SLC2A9: variants seen among roughly 807,000 people sequenced by gnomAD.
The protein encoded by SLC2A9 is solute carrier family 2 member 9.
SLC2A9 carries 39 observed loss-of-function variants against 50.6 expected under a neutral mutation model. That is an observed-to-expected ratio of 0.77 (90% CI 0.60 to 1.01). The LOEUF is 1.01. Ranked by LOEUF, SLC2A9 falls within the 50% of genes least tolerant of loss-of-function variation. The pLI is 0.00. For missense variants in SLC2A9, 686 were observed against 677.6 expected (o/e 1.01, Z -0.14); for synonymous variants, 324 against 276.9 (o/e 1.17, Z -1.69).
Position 9,890,601 on chromosome 4 carries a change from T to C in SLC2A9, c.1215+9A>G, listed in dbSNP as rs1737200635. 1 of 1,613,528 alleles carries C rather than the reference T, an allele frequency of 6.2e-7. No individual in the cohort carries two copies. Among genetic ancestry groups the C allele is most frequent in the Non-Finnish European group, 8.5e-7 (1 of 1,179,506 alleles). ...ATCTCCCTCAAATGTGACAAGAACA[T>C]CGTCTCACCTGCAGGGTCAGCGTGA... On this transcript the variant is annotated intron_variant, in intron 9 of 11. Transcript: ENST00000264784.
chr4:9,778,621 T>C (rs183428323), downstream of SLC2A9, among the ~76,000 whole-genome samples: 509 of 152,278 alleles, frequency 3.3e-3, 4 homozygotes, highest in African/African-American at 0.012. Flanking sequence ...AGTTTCTTCC[T>C]TTTGGGACCA....
rs1241026700 is a variant in SLC2A9, at chr4:9,985,522, T to C, written c.535+147A>G. On this transcript the variant is annotated intron_variant, in intron 4 of 11. Coordinates refer to ENST00000264784, the MANE Select transcript of SLC2A9 (RefSeq NM_020041.3). ...GTTCATCCCACAGGACTGTCCCACT[T>C]TATGCAGAGTTCCAGCATCCTTGGT... 5 of 1,075,088 alleles carry C rather than the reference T, an allele frequency of 4.7e-6. No homozygotes were observed. The Admixed American group carries it at 8.0e-5, about 17-fold the overall frequency. 66.6% of individuals were successfully genotyped at this position (1,075,088 alleles called of 1,614,324 possible). A position where few individuals can be genotyped will look rare whatever the true frequency, so the allele number is the denominator to read the frequency against.
intron 4 of SLC2A9, 104 bp from the exon 5 acceptor site, chr4:9,980,841 T>C (rs1755620681): frequency 1.4e-6 from 2 of 1,444,260 alleles, no homozygotes; most frequent in Non-Finnish European, 1.9e-6. Context: ...GGACATTAAA[T>C]AGCACTGTAG....
rs369822964 is a variant in SLC2A9, at chr4:10,021,274, A to G, written c.150+6T>C. 12 of 1,612,970 alleles carry G rather than the reference A, an allele frequency of 7.4e-6. No individual in the cohort carries two copies. The African/African-American group carries it at 1.2e-4, about 16-fold the overall frequency. On this transcript the variant is annotated splice_donor_region_variant and intron_variant, in intron 1 of 11. Transcript: ENST00000264784. ...CCAGCCATGCAGAAAAGCTGTCCGT[A>G]GTTACCTTTCTTCTCCTTCCACCTG...
At position 9,858,723 on chromosome 4, in the gene SLC2A9, T is replaced by C. The variant is rs149744961; in HGVS notation, c.1292-23715A>G. On this transcript the variant is annotated intron_variant, in intron 10 of 11. Transcript: ENST00000264784. ...AGGTGGAATGATGGTTAATATTGAG[T>C]GTCAACTTGATTGGATTGAAGGATG... Among the ~76,000 whole-genome samples the C allele has an allele frequency of 5.5e-4, 84 of 152,234 alleles. 1 individual carries two copies. Among genetic ancestry groups the C allele is most frequent in the African/African-American group, 1.9e-3 (79 of 41,546 alleles).
At chr4:9,838,020 C>G (rs570396077) in intron 10 of SLC2A9, among the ~76,000 whole-genome samples, 1 of 152,242 alleles carries the variant, frequency 6.6e-6, no homozygotes, top group African/African-American at 2.4e-5. Context: ...TATTTGTGAG[C>G]ATGAAATGAA....
chr4:10,000,626 T>C (rs188175137), intron 2 of SLC2A9, among the ~76,000 whole-genome samples: 2 of 152,298 alleles, frequency 1.3e-5, no homozygotes, highest in African/African-American at 4.8e-5. Flanking sequence ...TGCTTTTCTA[T>C]TCATGCATGA....
At chr4:9,938,559 C>G (rs1435126133) in intron 6 of SLC2A9, among the ~76,000 whole-genome samples, 3 of 152,194 alleles carry the variant, frequency 2.0e-5, no homozygotes, top group African/African-American at 7.2e-5. Context: ...GCGTGAGCCA[C>G]TGCGCCTGGC....
At chr4:10,035,462 G>A (rs900788542) in intron 1 of SLC2A9, 6 of 152,220 alleles carry the variant, frequency 3.9e-5, no homozygotes, top group African/African-American at 1.4e-4. Flanking sequence ...ATAATTGAAC[G>A]ATTCCAGACT....
chr4:10,027,358 AC>A (rs1763788212), intron 1 of SLC2A9, among the ~76,000 whole-genome samples: 2 of 152,272 alleles, frequency 1.3e-5, no homozygotes, highest in South Asian at 2.1e-4. Context: ...TTAGAAAAAA[AC>A]GTGTCTTTGA....
At chr4:9,855,139 A>C (rs993624302) in intron 10 of SLC2A9, among the ~76,000 whole-genome samples, 1 of 152,168 alleles carries the variant, frequency 6.6e-6, no homozygotes, top group Admixed American at 6.6e-5. Context: ...GAAATAAAAG[A>C]TGTCCAAATA....
chr4:9,998,065 G>A (rs932251304), intron 2 of SLC2A9, among the ~76,000 whole-genome samples: 2 of 152,170 alleles, frequency 1.3e-5, no homozygotes, highest in African/African-American at 4.8e-5. Context: ...ACAGAGAAAT[G>A]AGACCACAAG....
At chr4:9,869,891 T>C (rs1733130271) in intron 10 of SLC2A9, among the ~76,000 whole-genome samples, 2 of 152,232 alleles carry the variant, frequency 1.3e-5, no homozygotes, top group Admixed American at 6.5e-5. Context: ...TCCTGGAGTG[T>C]GCAAATATTA....
intron 5 of SLC2A9, among the ~76,000 whole-genome samples, chr4:9,975,493 A>G (rs1754640503): frequency 6.6e-6 from 1 of 152,246 alleles, no homozygotes; most frequent in South Asian, 2.1e-4. Context: ...CAACAAACAT[A>G]TTAAAAAATG....
At chr4:9,836,163 G>T (rs1387484571) in intron 10 of SLC2A9, among the ~76,000 whole-genome samples, 1 of 151,082 alleles carries the variant, frequency 6.6e-6, no homozygotes, top group Non-Finnish European at 1.5e-5. Flanking sequence ...AGGGTGGGAG[G>T]GGGGTGAGTT....
intron 2 of SLC2A9, among the ~76,000 whole-genome samples, chr4:10,003,209 T>C (rs567743903): frequency 3.9e-5 from 6 of 152,168 alleles, no homozygotes; most frequent in Non-Finnish European, 7.4e-5. Flanking sequence ...GGCACTCTTA[T>C]AGTAATTCAA....
At chr4:9,979,674 C>T (rs1362673431) in intron 5 of SLC2A9, among the ~76,000 whole-genome samples, 2 of 152,152 alleles carry the variant, frequency 1.3e-5, no homozygotes, top group Non-Finnish European at 2.9e-5. Flanking sequence ...CCCACCGCCT[C>T]CACCCCAGAG....
In SLC2A9 at chr4:10,028,554, A is replaced by T. The variant is rs527913652; in HGVS notation, c.-40-2548T>A. On this transcript the variant is annotated intron_variant, in intron 1 of 12. Coordinates refer to the SLC2A9 transcript ENST00000309065. The stretch of plus-strand genomic sequence containing the variant: ...AGGAAGGACAACATTATCCCTGCAT[A>T]GAGACCAATAATAATGCATGGACAT... Among the ~76,000 whole-genome samples, 1,039 of 148,722 alleles carry T rather than the reference A, an allele frequency of 7.0e-3. 8 individuals are homozygous for T. The highest frequency in any genetic ancestry group is 0.025 in the African/African-American group (995 of 39,824).
intron 5 of SLC2A9, among the ~76,000 whole-genome samples, chr4:9,976,761 C>A (rs770110060): frequency 1.3e-5 from 2 of 152,214 alleles, no homozygotes; most frequent in Non-Finnish European, 2.9e-5. Flanking sequence ...AGCCCTGTTC[C>A]TGGGAGAGAG....
Sources: gnomAD v4.1 joint callset for allele counts (sites outside exome capture counted in the v4.1 genomes callset) on GRCh38, gnomAD v4.1.1 for gene constraint, MANE v1.5 for transcripts, NCBI Gene and HGNC (gene_info 2026-07-23, HGNC 2026-07-21) for gene names.